Variants in IKBKB observed in about 807,000 individuals in gnomAD.
IKBKB encodes inhibitor of nuclear factor kappa-B kinase subunit beta.
In IKBKB, 42 loss-of-function variants were observed where a neutral mutation model predicts 113.6. That is an observed-to-expected ratio of 0.37 (90% CI 0.29 to 0.48). IKBKB has a LOEUF of 0.48. Among genes scored for constraint, IKBKB ranks in the 20% least tolerant of loss-of-function variants. The probability of loss-of-function intolerance (pLI) is 0.99; values close to 1 mark genes in which losing one functional copy is unlikely to be tolerated. For synonymous variants in IKBKB, 296 were observed against 361.3 expected (o/e 0.82, Z 2.05); for missense variants, 673 against 939.7 (o/e 0.72, Z 3.71).
At chr8:42,277,432 C>T (rs992111666) in intron 2 of IKBKB, among the ~76,000 whole-genome samples, 2 of 152,126 alleles carry the variant, frequency 1.3e-5, no homozygotes, top group Admixed American at 1.3e-4. Flanking sequence ...ATCTGCCCAC[C>T]TTGGCCTCCC....
chr8:42,321,653 C>G (rs764543441), intron 16 of IKBKB: 20 of 442,008 alleles, frequency 4.5e-5, no homozygotes, highest in Non-Finnish European at 7.7e-5. Context: ...TCCCAAGTAA[C>G]CGGGACTACA....
chr8:42,272,264 C>G (rs1336652929), intron 2 of IKBKB, 59 bp downstream of exon 2: 5 of 1,611,290 alleles, frequency 3.1e-6, no homozygotes, highest in Non-Finnish European at 4.2e-6. Context: ...CTCACTGCCT[C>G]CACTTTCTCT....
At chr8:42,327,478 TG>T (rs1174411800) in intron 20 of IKBKB, among the ~76,000 whole-genome samples, 2 of 145,656 alleles carry the variant, frequency 1.4e-5, no homozygotes, top group Non-Finnish European at 3.0e-5. Flanking sequence ...GGACTACAGG[TG>T]CATGCCACCA....
intron 20 of IKBKB, 131 bp from the exon 21 acceptor site, chr8:42,328,993 A>C: frequency 1.5e-6 from 1 of 653,726 alleles, no homozygotes; most frequent in Non-Finnish European, 2.5e-6. Context: ...GTTTTAAGAC[A>C]CTCAGGATCA....
At position 42,305,640 on chromosome 8, in the gene IKBKB, G is replaced by C. The variant is rs569373745; in HGVS notation, c.477+365G>C. Among the ~76,000 whole-genome samples the C allele has an allele frequency of 2.6e-5, 4 of 152,348 alleles. No homozygotes were observed. In the South Asian group the frequency reaches 8.3e-4, roughly 32 times the overall value. On this transcript the variant is annotated intron_variant, in intron 6 of 21. Transcript: ENST00000520810. ...TCTAAATGGAAACCAGTGGTCAGTT[G>C]GTTGTGGATGTGGCTGGGAAGAGGC...
intron 2 of IKBKB, among the ~76,000 whole-genome samples, chr8:42,287,276 C>A (rs1017257777): frequency 6.6e-6 from 1 of 152,214 alleles, no homozygotes; most frequent in East Asian, 1.9e-4. Flanking sequence ...GAGGAGCCAC[C>A]GCTGAGGATG....
rs1818712354 is a variant in IKBKB, at chr8:42,316,548, T to A, written c.931-162T>A. ...TAGCCACAGACAGGATTATGAAAGATGCAAATATGCGAAACATGGCACATG... is the reference window on the plus strand; with the variant it reads ...TAGCCACAGACAGGATTATGAAAGAAGCAAATATGCGAAACATGGCACATG... On this transcript the variant is annotated intron_variant, in intron 10 of 21. Coordinates refer to ENST00000520810, the MANE Select transcript of IKBKB (RefSeq NM_001556.3). This position sits in a 1 kb window ranked among gnomAD's most constrained non-coding sequence, Gnocchi z 4.5. Among the ~76,000 whole-genome samples, 1 of 152,224 alleles carries A rather than the reference T, an allele frequency of 6.6e-6. No individual in the cohort carries two copies. The highest frequency in any genetic ancestry group is 2.4e-5 in the African/African-American group (1 of 41,450).
Position 42,316,155 on chromosome 8 carries a change from T to G in IKBKB, c.801-55T>G. 1 of 1,602,814 alleles carries G rather than the reference T, an allele frequency of 6.2e-7. No individual in the cohort carries two copies. The highest frequency in any genetic ancestry group is 8.5e-7 in the Non-Finnish European group (1 of 1,173,352). The stretch of plus-strand genomic sequence containing the variant: ...TGTGTGTATACTGGGAGACGCACAC[T>G]GTAGCCCAACATTGGCTGGAAGTGT... On this transcript the variant is annotated intron_variant, in intron 9 of 21. Coordinates refer to ENST00000520810, the MANE Select transcript of IKBKB (RefSeq NM_001556.3). The surrounding 1 kb of genome is among the most constrained non-coding windows in gnomAD (Gnocchi z 4.5).
chr8:42,303,934 T>C (rs1304752061), intron 5 of IKBKB, among the ~76,000 whole-genome samples: 1 of 152,280 alleles, frequency 6.6e-6, no homozygotes, highest in Non-Finnish European at 1.5e-5. Context: ...GCTTTGTTTA[T>C]AGTATCTTTT....
Position 42,316,466 on chromosome 8 carries a change from C to G in IKBKB, c.930+127C>G. The stretch of plus-strand genomic sequence containing the variant: ...AGGAAATTTAGGCTCCTGCATCAGT[C>G]TTTCTGCATAAGTAAAGAAAGGACA... On this transcript the variant is annotated intron_variant, in intron 10 of 21. Transcript: ENST00000520810. This position sits in a 1 kb window ranked among gnomAD's most constrained non-coding sequence, Gnocchi z 4.5. 1 of 1,144,112 alleles carries G rather than the reference C, an allele frequency of 8.7e-7. No individual in the cohort carries two copies. Among genetic ancestry groups the G allele is most frequent in the Non-Finnish European group, 1.2e-6 (1 of 807,472 alleles). The allele number at this position is 1,144,112 out of a possible 1,614,324, so 70.9% of individuals were successfully genotyped here.
At chr8:42,291,644 G>T (rs918370656) in intron 4 of IKBKB, among the ~76,000 whole-genome samples, 3 of 149,218 alleles carry the variant, frequency 2.0e-5, no homozygotes, top group African/African-American at 7.8e-5. Flanking sequence ...GTTCCTCCAG[G>T]CCCTTGTGCC....
intron 8 of IKBKB, among the ~76,000 whole-genome samples, chr8:42,313,135 A>T (rs1818038853): frequency 6.6e-6 from 1 of 152,206 alleles, no homozygotes; most frequent in Non-Finnish European, 1.5e-5. Context: ...TATTACCAAG[A>T]TTTGAAGCCA....
At chr8:42,321,826 C>A in intron 16 of IKBKB, 70 bp from the exon 17 acceptor site, 1 of 1,168,882 alleles carries the variant, frequency 8.6e-7, no homozygotes, top group Non-Finnish European at 1.2e-6. Context: ...AACTCTACCT[C>A]TACCAAAAAA....
chr8:42,304,680 C>T (rs1446621114), intron 5 of IKBKB, among the ~76,000 whole-genome samples: 1 of 152,172 alleles, frequency 6.6e-6, no homozygotes, highest in African/African-American at 2.4e-5. Context: ...TTGGGACTGT[C>T]GATCATATGA....
chr8:42,324,247 G>C (rs975408466), intron 19 of IKBKB, among the ~76,000 whole-genome samples: 1 of 152,150 alleles, frequency 6.6e-6, no homozygotes, highest in African/African-American at 2.4e-5. Context: ...GCAAGGGTGA[G>C]CTTACGTGGG....
intron 5 of IKBKB, among the ~76,000 whole-genome samples, chr8:42,302,873 G>C (rs2130486108): frequency 6.6e-6 from 1 of 152,206 alleles, no homozygotes; most frequent in African/African-American, 2.4e-5. Flanking sequence ...CAGTTGTTCA[G>C]CTCTCAGTTT....
chr8:42,291,804 C>T (rs137858425), intron 4 of IKBKB, among the ~76,000 whole-genome samples: 18 of 152,178 alleles, frequency 1.2e-4, no homozygotes, highest in Admixed American at 2.0e-4. Context: ...TGGTGGTGTG[C>T]GCTTGTGGTC....
intron 7 of IKBKB, among the ~76,000 whole-genome samples, chr8:42,307,800 G>A (rs1321002698): frequency 6.6e-6 from 1 of 152,174 alleles, no homozygotes; most frequent in East Asian, 1.9e-4. Flanking sequence ...TAAAACGTCT[G>A]CCCATAACCA....
In IKBKB at chr8:42,314,308, A is replaced by G. The variant is rs199679420; in HGVS notation, c.693-14A>G. 81 of 1,585,564 alleles carry G rather than the reference A, an allele frequency of 5.1e-5. No individual in the cohort carries two copies. Among genetic ancestry groups the G allele is most frequent in the Middle Eastern group, 3.3e-4 (2 of 6,038 alleles). On this transcript the variant is annotated splice_polypyrimidine_tract_variant and intron_variant, in intron 8 of 21. Coordinates refer to ENST00000520810, the MANE Select transcript of IKBKB (RefSeq NM_001556.3). ...GCAACGTGTGACTGCACCTAACAAG[A>G]TTCATATTTGCAGGCATTCAAAAGT...
Sources: gnomAD v4.1 joint callset for allele counts (sites outside exome capture counted in the v4.1 genomes callset) on GRCh38, gnomAD v4.1.1 for gene constraint, Gnocchi (gnomAD v3.1) non-coding constraint, MANE v1.5 for transcripts, NCBI Gene and HGNC (gene_info 2026-07-23, HGNC 2026-07-21) for gene names.